Variants in MYO18B observed in about 807,000 individuals in gnomAD.
The protein encoded by MYO18B is unconventional myosin-XVIIIb.
A neutral mutation model predicts 273.0 loss-of-function variants in MYO18B; 204 were observed. That is an observed-to-expected ratio of 0.75 (90% CI 0.67 to 0.84). The LOEUF (loss-of-function observed/expected upper bound fraction) is 0.84, where lower values mean the gene tolerates loss of function less well. MYO18B is among the 40% of genes least tolerant of loss of function. MYO18B has a pLI of 0.00. For synonymous variants in MYO18B, 1,330 were observed against 1,305.7 expected, an observed-to-expected ratio of 1.02 and a Z score of -0.40; for missense variants, 3,212 against 3,287.6, an observed-to-expected ratio of 0.98 and a Z score of 0.56.
intron 25 of MYO18B, among the ~76,000 whole-genome samples, chr22:25,878,549 A>G (rs192884795): frequency 6.6e-6 from 1 of 152,356 alleles, no homozygotes; most frequent in East Asian, 1.9e-4. Context: ...AGCCAATAAT[A>G]TGAATGGGCA....
At chr22:26,025,522 C>T (rs1233480525) in intron 42 of MYO18B, among the ~76,000 whole-genome samples, 1 of 152,224 alleles carries the variant, frequency 6.6e-6, no homozygotes, top group Non-Finnish European at 1.5e-5. Flanking sequence ...TCGCCCTCAG[C>T]ATCTCTTCAG....
chr22:25,951,743 A>G (rs1384845933), intron 37 of MYO18B, among the ~76,000 whole-genome samples: 1 of 152,220 alleles, frequency 6.6e-6, no homozygotes, highest in Non-Finnish European at 1.5e-5. Flanking sequence ...TGGGTGCTGG[A>G]TAACAACACG....
chr22:25,992,476 T>C lies in MYO18B; in HGVS notation c.6270T>C (p.Ser2090=), dbSNP rs1419965636. The C allele has an allele frequency of 1.2e-6, 2 of 1,613,924 alleles. No individual in the cohort carries two copies. Among genetic ancestry groups the C allele is most frequent in the Admixed American group, 1.7e-5 (1 of 60,020 alleles). The part of the protein sequence containing the change: ...LQAALEEVAS[S]DSDTESVQTA... Reference sequence around the variant, plus strand: ...CTGCCTTGGAAGAAGTGGCATCCAGTGACAGTGATACTGAGAGGTAACTTG... The same window carrying C: ...CTGCCTTGGAAGAAGTGGCATCCAGCGACAGTGATACTGAGAGGTAACTTG... Residue 2090 remains serine, a synonymous_variant, in exon 40 of 44, where the codon AGT becomes AGC. Coordinates refer to ENST00000335473, the MANE Select transcript of MYO18B (RefSeq NM_032608.7).
the MYO18B span, among the ~76,000 whole-genome samples, chr22:26,059,322 G>T: frequency 6.6e-6 from 1 of 152,206 alleles, no homozygotes; most frequent in East Asian, 1.9e-4. Context: ...TAAAGGAAGA[G>T]GACCCAAATG....
chr22:25,827,249 C>T (rs933286086), intron 14 of MYO18B, among the ~76,000 whole-genome samples: 11 of 152,256 alleles, frequency 7.2e-5, no homozygotes, highest in East Asian at 3.9e-4. Flanking sequence ...GGGGTAGAAC[C>T]GAGATGCAAA....
At chr22:25,970,801 G>T (rs185510315) in intron 39 of MYO18B, among the ~76,000 whole-genome samples, 39 of 148,196 alleles carry the variant, frequency 2.6e-4, no homozygotes, top group Admixed American at 4.6e-4. Flanking sequence ...GAGACAAAGC[G>T]TCCTGCTGGA....
At chr22:25,969,757 G>A (rs954212929) in intron 39 of MYO18B, among the ~76,000 whole-genome samples, 2 of 152,226 alleles carry the variant, frequency 1.3e-5, no homozygotes, top group African/African-American at 4.8e-5. Context: ...TGTCCTTACT[G>A]TGTGACTTTA....
At chr22:25,923,517 G>A (rs1374474813) in intron 34 of MYO18B, among the ~76,000 whole-genome samples, 1 of 152,252 alleles carries the variant, frequency 6.6e-6, no homozygotes, top group Non-Finnish European at 1.5e-5. Flanking sequence ...CAAGTGGTGT[G>A]TCCAAAGTAA....
At chr22:25,764,390 G>C (rs749094787) in intron 3 of MYO18B, among the ~76,000 whole-genome samples, 1 of 152,190 alleles carries the variant, frequency 6.6e-6, no homozygotes, top group Non-Finnish European at 1.5e-5. Context: ...GGTAGAAAGG[G>C]CATCTCTTTG....
chr22:25,983,402 C>CT (rs1490253174), intron 39 of MYO18B: 1 of 152,266 alleles, frequency 6.6e-6, no homozygotes, highest in Non-Finnish European at 1.5e-5. Flanking sequence ...TTCTGGATGT[C>CT]TTACAACTTT....
chr22:26,056,525 A>G, the MYO18B span, among the ~76,000 whole-genome samples: 1 of 152,220 alleles, frequency 6.6e-6, no homozygotes, highest in Admixed American at 6.5e-5. Flanking sequence ...TAACCAAGGT[A>G]TGGCATCCTG....
intron 42 of MYO18B, among the ~76,000 whole-genome samples, chr22:26,017,339 TCTTCCTTCCTTC>T (rs772489837): frequency 1.4e-5 from 2 of 143,536 alleles, no homozygotes; most frequent in Non-Finnish European, 3.1e-5. Flanking sequence ...ACATTTTCCT[TCTTCCTTCCTTC>T]CTTCCTTCCT....
intron 39 of MYO18B, among the ~76,000 whole-genome samples, chr22:25,971,387 T>G (rs2093034944): frequency 6.6e-6 from 1 of 152,222 alleles, no homozygotes; most frequent in Non-Finnish European, 1.5e-5. Flanking sequence ...ATCAGGTAGT[T>G]GGGAGATTAG....
chr22:25,778,925 G>A (rs991319548), intron 8 of MYO18B, among the ~76,000 whole-genome samples: 6 of 151,998 alleles, frequency 3.9e-5, no homozygotes, highest in African/African-American at 9.7e-5. Flanking sequence ...TACTCCTAGC[G>A]CTGAGATTCA....
chr22:26,062,500 C>T, the MYO18B span, among the ~76,000 whole-genome samples: 4 of 152,136 alleles, frequency 2.6e-5, no homozygotes, highest in Non-Finnish European at 4.4e-5. Flanking sequence ...GAAAGCAGAA[C>T]CCTGGCAATA....
At chr22:26,058,940 G>A in the MYO18B span, among the ~76,000 whole-genome samples, 1 of 152,180 alleles carries the variant, frequency 6.6e-6, no homozygotes, top group Non-Finnish European at 1.5e-5. Flanking sequence ...ATTTAAGGGT[G>A]GAAGGAGCAG....
At chr22:26,012,854 A>G (rs1935022258) in intron 42 of MYO18B, among the ~76,000 whole-genome samples, 1 of 152,212 alleles carries the variant, frequency 6.6e-6, no homozygotes. Context: ...TATATACAGG[A>G]AAGTGGATCT....
intron 34 of MYO18B, among the ~76,000 whole-genome samples, chr22:25,943,609 C>T (rs1601637616): frequency 6.6e-6 from 1 of 152,224 alleles, no homozygotes; most frequent in South Asian, 2.1e-4. Context: ...TCAGCACCAC[C>T]GTTAGTTCCT....
intron 1 of MYO18B, among the ~76,000 whole-genome samples, chr22:25,753,536 C>T (rs540551642): frequency 1.3e-5 from 2 of 152,274 alleles, no homozygotes; most frequent in East Asian, 1.9e-4. Context: ...TCTCCTTCCG[C>T]GTTGTGGGGT....
Sources: gnomAD v4.1 joint callset for allele counts (sites outside exome capture counted in the v4.1 genomes callset) on GRCh38, gnomAD v4.1.1 for gene constraint, MANE v1.5 for transcripts, NCBI Gene and HGNC (gene_info 2026-07-23, HGNC 2026-07-21) for gene names.